Variants in SDK1 observed in about 807,000 individuals in gnomAD.
SDK1 encodes sidekick cell adhesion molecule 1.
Under a neutral mutation model 245.5 loss-of-function variants are expected in SDK1, and 157 were observed. The ratio of observed to expected loss-of-function variants is 0.64; its 90% CI spans 0.56 to 0.73. The LOEUF is 0.73. SDK1 is among the 30% of genes least tolerant of loss of function. The pLI, the probability that SDK1 is intolerant of heterozygous loss-of-function variation, is 0.00. For synonymous variants in SDK1, 1,647 were observed against 1,278.5 expected, an observed-to-expected ratio of 1.29 and a Z score of -6.15; for missense variants, 3,583 against 3,002.3, an observed-to-expected ratio of 1.19 and a Z score of -4.52.
Position 4,110,699 on chromosome 7 carries a change from C to G in SDK1, c.3361C>G (p.Leu1121Val). ...AIGDEEEWVT[L>V]YEEENEPDAQ... is the part of the protein sequence containing the mutation. ...CGGCGACGAGGAGGAGTGGGTCACC[C>G]TCTATGAAGAGGAGAATGAGCCTGA... Residue 1121 changes from leucine (L) to valine (V), a missense_variant, in exon 23 of 45, where the codon CTC (leucine) becomes GTC (valine). Physicochemically the swap from Leu to Val is conservative, Grantham distance 32 (BLOSUM62 1). Coordinates refer to ENST00000404826, the MANE Select transcript of SDK1 (RefSeq NM_152744.4). The G allele has an allele frequency of 5.0e-6, 8 of 1,613,954 alleles. No individual in the cohort carries two copies. The highest frequency in any genetic ancestry group is 1.7e-4 in the Middle Eastern group (1 of 6,028).
chr7:3,393,552 A>C (rs1583791620), intron 1 of SDK1, among the ~76,000 whole-genome samples: 1 of 152,226 alleles, frequency 6.6e-6, no homozygotes, highest in Non-Finnish European at 1.5e-5. Context: ...ATCGGGAAAG[A>C]GTAGATAAAA....
chr7:3,523,523 T>A (rs1408034162), intron 1 of SDK1, among the ~76,000 whole-genome samples: 1 of 152,134 alleles, frequency 6.6e-6, no homozygotes, highest in Non-Finnish European at 1.5e-5. Context: ...TGCTAATCTT[T>A]CAATGTTAGC....
intron 1 of SDK1, among the ~76,000 whole-genome samples, chr7:3,481,346 A>G (rs765179337): frequency 6.6e-6 from 1 of 152,206 alleles, no homozygotes; most frequent in Non-Finnish European, 1.5e-5. Flanking sequence ...ACTGCATATC[A>G]TCCTGGTACA....
At chr7:4,210,309 C>T (rs568336450) in intron 38 of SDK1, 147 bp downstream of exon 38, 65 of 909,912 alleles carry the variant, frequency 7.1e-5, no homozygotes, top group African/African-American at 6.3e-4. Context: ...CTGAGCTGGA[C>T]GGGGCTGGAG....
intron 1 of SDK1, among the ~76,000 whole-genome samples, chr7:3,402,897 A>G (rs1220689819): frequency 6.6e-6 from 1 of 152,100 alleles, no homozygotes; most frequent in Non-Finnish European, 1.5e-5. Context: ...TAATTATGCA[A>G]ACTTTGGCTT....
chr7:3,641,215 T>A (rs1583260231), intron 3 of SDK1, among the ~76,000 whole-genome samples: 1 of 152,184 alleles, frequency 6.6e-6, no homozygotes, highest in South Asian at 2.1e-4. Flanking sequence ...AAAAATACAC[T>A]ATTTTGCCAT....
chr7:3,634,765 G>A (rs964866247), intron 2 of SDK1, among the ~76,000 whole-genome samples: 1 of 152,176 alleles, frequency 6.6e-6, no homozygotes, highest in Non-Finnish European at 1.5e-5. Flanking sequence ...TCCTTGGTGA[G>A]ACATTAGACT....
chr7:3,608,197 A>G (rs1251682327), intron 1 of SDK1, among the ~76,000 whole-genome samples: 8 of 152,228 alleles, frequency 5.3e-5, no homozygotes, highest in Non-Finnish European at 8.8e-5. Flanking sequence ...TATTAATTCT[A>G]TTAAGCTTTG....
chr7:3,743,345 A>AGG (rs1480119060), intron 4 of SDK1, among the ~76,000 whole-genome samples: 3 of 152,304 alleles, frequency 2.0e-5, no homozygotes, highest in East Asian at 3.9e-4. Context: ...AGTCTTGCTA[A>AGG]GTCACAGATT....
rs1468785414 is a variant in SDK1, at chr7:3,813,296, A to G, written c.714-8154A>G. On this transcript the variant is annotated intron_variant, in intron 4 of 44. Transcript: ENST00000404826. ...CCCACCACAGTCCCCAGAGTGTGAT[A>G]TTCCCCTTCCTGTGTCCATGTGTTC... 3.7e-5 allele frequency among the ~76,000 whole-genome samples: 5 copies of G among 134,436 alleles called. No homozygotes were observed. The South Asian group carries it at 7.5e-4, about 20-fold the overall frequency. The allele number at this position is 134,436 out of a possible 152,430, so 88.2% of individuals were successfully genotyped here.
Position 3,784,892 on chromosome 7 carries a change from C to CAT in SDK1, c.714-36558_714-36557insAT, listed in dbSNP as rs147861018. Among the ~76,000 whole-genome samples, 848 of 152,280 alleles carry CAT rather than the reference C, an allele frequency of 5.6e-3. 8 individuals carry two copies. Among genetic ancestry groups the CAT allele is most frequent in the African/African-American group, 0.02 (815 of 41,546 alleles). On this transcript the variant is annotated intron_variant, in intron 4 of 44. Transcript: ENST00000404826. ...AGATTTGAAATCAGTGTGTTGAAGA[C>CAT]GTGTGCACACCAATGTTTACTGCAG...
intron 4 of SDK1, among the ~76,000 whole-genome samples, chr7:3,684,058 A>C (rs968416862): frequency 6.6e-6 from 1 of 152,160 alleles, no homozygotes; most frequent in African/African-American, 2.4e-5. Flanking sequence ...CAGGTGCTCA[A>C]GTTCCGCTGT....
At chr7:4,095,364 T>A (rs1419466584) in intron 22 of SDK1, among the ~76,000 whole-genome samples, 1 of 152,076 alleles carries the variant, frequency 6.6e-6, no homozygotes, top group Non-Finnish European at 1.5e-5. Flanking sequence ...ACCTGAGGTC[T>A]ATGTGTAGCG....
chr7:3,897,450 C>G (rs1391651880), intron 5 of SDK1, among the ~76,000 whole-genome samples: 1 of 152,188 alleles, frequency 6.6e-6, no homozygotes, highest in African/African-American at 2.4e-5. Context: ...AGTGGAGACA[C>G]ACAGTGTCTG....
rs138140004 is a variant in SDK1 at position 3,333,902 on chromosome 7, A to G, written c.298+32018A>G. ...GTGGAACTGGACTGCCAGGGTGGCC[A>G]GCATCCTAGCCCAGGCATGGGGCTG... On this transcript the variant is annotated intron_variant, in intron 1 of 44. Transcript: ENST00000404826. Among the ~76,000 whole-genome samples, 26 of 152,332 alleles carry G rather than the reference A, an allele frequency of 1.7e-4. No individual in the cohort carries two copies. The East Asian group carries it at 5.0e-3, about 29-fold the overall frequency.
chr7:3,468,837 G>A (rs1781092733), intron 1 of SDK1, among the ~76,000 whole-genome samples: 1 of 152,140 alleles, frequency 6.6e-6, no homozygotes, highest in Admixed American at 6.6e-5. Flanking sequence ...CTGTGTACAC[G>A]TTAATAAATT....
intron 4 of SDK1, among the ~76,000 whole-genome samples, chr7:3,767,619 A>C (rs1780291123): frequency 6.6e-6 from 1 of 152,192 alleles, no homozygotes; most frequent in African/African-American, 2.4e-5. Context: ...ACTAATTTTC[A>C]GAGCTAGGTA....
chr7:4,103,907 C>G lies in SDK1; in HGVS notation c.3325-6756C>G, dbSNP rs538186266. ...TTTCCAGGTCAGACGCTCTCAGTTC[C>G]AGCTCCGCAGTTCGGCTGCAAAAGC... On this transcript the variant is annotated intron_variant, in intron 22 of 44. Coordinates refer to ENST00000404826, the MANE Select transcript of SDK1 (RefSeq NM_152744.4). Among the ~76,000 whole-genome samples the G allele has an allele frequency of 3.9e-5, 6 of 152,388 alleles. No homozygotes were observed. In the East Asian group the frequency reaches 9.7e-4, roughly 25 times the overall value.
chr7:3,656,607 G>C (rs1292843393), intron 4 of SDK1, among the ~76,000 whole-genome samples: 1 of 152,094 alleles, frequency 6.6e-6, no homozygotes, highest in Non-Finnish European at 1.5e-5. Context: ...GACACTGCAG[G>C]ATACATCTCA....
Sources: gnomAD v4.1 joint callset for allele counts (sites outside exome capture counted in the v4.1 genomes callset) on GRCh38, gnomAD v4.1.1 for gene constraint, MANE v1.5 for transcripts, NCBI Gene and HGNC (gene_info 2026-07-23, HGNC 2026-07-21) for gene names.